The following PKM variants were observed in gnomAD, a reference collection of about 807,000 sequenced individuals.
PKM encodes the protein pyruvate kinase M1/2.
Under a neutral mutation model 49.8 loss-of-function variants are expected in PKM, and 18 were observed. The ratio of observed to expected loss-of-function variants is 0.36; its 90% CI spans 0.25 to 0.54. The LOEUF (loss-of-function observed/expected upper bound fraction) is 0.54. Among genes scored for constraint, PKM ranks in the 20% least tolerant of loss-of-function variants. The probability of loss-of-function intolerance (pLI) is 0.89; values close to 1 mark genes in which losing one functional copy is unlikely to be tolerated. For missense variants in PKM, 508 were observed against 713.8 expected, an observed-to-expected ratio of 0.71 and a Z score of 3.28; for synonymous variants, 239 against 261.8, an observed-to-expected ratio of 0.91 and a Z score of 0.84.
intron 1 of PKM, among the ~76,000 whole-genome samples, chr15:72,225,071 G>T (rs892389598): frequency 6.8e-5 from 10 of 147,242 alleles, no homozygotes; most frequent in African/African-American, 2.5e-4. Flanking sequence ...ACAGGCGCCC[G>T]CCACCAGGCC....
intron 7 of PKM, 75 bp from the exon 8 acceptor site, chr15:72,206,955 T>C: frequency 6.4e-7 from 1 of 1,562,370 alleles, no homozygotes; most frequent in Non-Finnish European, 8.8e-7. Context: ...GCTGATCCTC[T>C]GGATAGTGAG....
In PKM at chr15:72,217,503, A is replaced by G. The variant is rs765564763; in HGVS notation, c.155-3T>C. On this transcript the variant is annotated splice_region_variant and splice_polypyrimidine_tract_variant and intron_variant, in intron 2 of 10. Transcript: ENST00000335181. ...CTCCACTGATCGGGAAGCTGGGCCTATTAGGAAAAGTTTTAAAGCCACAAG... is the reference window on the plus strand; with the variant it reads ...CTCCACTGATCGGGAAGCTGGGCCTGTTAGGAAAAGTTTTAAAGCCACAAG... 6.3e-7 allele frequency: 1 copy of G among 1,588,014 alleles called. No homozygotes were observed. Among genetic ancestry groups the G allele is most frequent in the South Asian group, 1.1e-5 (1 of 90,554 alleles).
chr15:72,199,428 T>A lies in PKM; in HGVS notation c.*222A>T, dbSNP rs1447947344. ...CCAGCATTCCTCCTTCTTCCCTTGA[T>A]TGGGTGGGGCCACATGATGGGCAGC... On this transcript the variant is annotated 3_prime_UTR_variant, in exon 11 of 11. Coordinates refer to ENST00000335181, the MANE Select transcript of PKM (RefSeq NM_002654.6). 2.9e-6 allele frequency: 2 copies of A among 689,636 alleles called. No individual in the cohort carries two copies. The highest frequency in any genetic ancestry group is 3.5e-5 in the African/African-American group (2 of 56,884). 42.7% of individuals were successfully genotyped at this position (689,636 alleles called of 1,614,324 possible). A position where few individuals can be genotyped will look rare whatever the true frequency, so the allele number is the denominator to read the frequency against.
At chr15:72,209,557 G>T in intron 5 of PKM, 116 bp downstream of exon 5, 1 of 845,066 alleles carries the variant, frequency 1.2e-6, no homozygotes, top group Non-Finnish European at 2.1e-6. Flanking sequence ...GGATTCCTGA[G>T]AACACACAGA....
Position 72,200,318 on chromosome 15 carries a change from T to C in PKM, c.1489+156A>G, listed in dbSNP as rs989839370. ...GAGAATGAGAGATTCAGAATGAACATTCCCAATAAGGGAGAGGAACAGTCG... is the reference window on the plus strand; with the variant it reads ...GAGAATGAGAGATTCAGAATGAACACTCCCAATAAGGGAGAGGAACAGTCG... On this transcript the variant is annotated intron_variant, in intron 10 of 10. Coordinates refer to ENST00000335181, the MANE Select transcript of PKM (RefSeq NM_002654.6). This position sits in a 1 kb window ranked among gnomAD's most constrained non-coding sequence, Gnocchi z 4.6. Among the ~76,000 whole-genome samples the C allele has an allele frequency of 7.2e-5, 11 of 152,130 alleles. No individual in the cohort carries two copies. Among genetic ancestry groups the C allele is most frequent in the Non-Finnish European group, 2.9e-5 (2 of 68,012 alleles).
At chr15:72,218,507 A>C (rs1164042934) in intron 2 of PKM, among the ~76,000 whole-genome samples, 1 of 151,808 alleles carries the variant, frequency 6.6e-6, no homozygotes, top group Non-Finnish European at 1.5e-5. Context: ...CTGCAACTTC[A>C]ATCTCCTGGA....
Position 72,219,032 on chromosome 15 carries a change from C to T in PKM, c.66G>A (p.Met22Ile). ...ACATGTGCTCCAGGAATGTGTCAGC[C>T]ATGGCTGCGTGCAGCTGCTGGGTCT... ...FIQTQQLHAA[M>I]ADTFLEHMCR... The change falls in exon 2 of 11, where the codon ATG becomes ATA. Residue 22 changes from methionine to isoleucine, a missense_variant. Met to Ile is a conservative substitution (Grantham distance 10). Coordinates refer to ENST00000335181, the MANE Select transcript of PKM (RefSeq NM_002654.6). 6.2e-7 allele frequency: 1 copy of T among 1,614,178 alleles called. No individual in the cohort carries two copies. The highest frequency in any genetic ancestry group is 2.2e-5 in the East Asian group (1 of 44,878).
intron 4 of PKM, 70 bp from the exon 5 acceptor site, chr15:72,209,929 G>A: frequency 1.5e-6 from 2 of 1,309,910 alleles, no homozygotes; most frequent in South Asian, 2.4e-5. Context: ...AGAAGGAATG[G>A]AAAAGCTCTT....
chr15:72,222,112 C>T (rs1009982371), intron 1 of PKM, among the ~76,000 whole-genome samples: 2 of 152,230 alleles, frequency 1.3e-5, no homozygotes, highest in African/African-American at 4.8e-5. Flanking sequence ...TGGCCTCAAA[C>T]ACAAACCCTA....
chr15:72,202,388 T>C lies in PKM; in HGVS notation c.1307+66A>G. ...ACCTGAGCATTGTTCAATGGACTGCTCCCAGGACCCCCAAGGTGAGGTACC... is the reference window on the plus strand; with the variant it reads ...ACCTGAGCATTGTTCAATGGACTGCCCCCAGGACCCCCAAGGTGAGGTACC... On this transcript the variant is annotated intron_variant, in intron 9 of 10. Coordinates refer to ENST00000335181, the MANE Select transcript of PKM (RefSeq NM_002654.6). This position sits in a 1 kb window ranked among gnomAD's most constrained non-coding sequence, Gnocchi z 4.5. The C allele has an allele frequency of 6.7e-7, 1 of 1,503,524 alleles. No individual in the cohort carries two copies. The highest frequency in any genetic ancestry group is 9.1e-7 in the Non-Finnish European group (1 of 1,095,660). The allele number at this position is 1,503,524 out of a possible 1,614,324, so 93.1% of individuals were successfully genotyped here.
intron 6 of PKM, 125 bp from the exon 7 acceptor site, chr15:72,207,402 TATC>T (rs1223825219): frequency 5.8e-6 from 5 of 865,414 alleles, no homozygotes; most frequent in Non-Finnish European, 9.7e-6. Flanking sequence ...ACATCCATGA[TATC>T]ATCATGGGTG....
intron 6 of PKM, among the ~76,000 whole-genome samples, chr15:72,208,029 A>AGG (rs780986176): frequency 6.6e-6 from 1 of 152,168 alleles, no homozygotes; most frequent in Admixed American, 6.5e-5. Context: ...AGCATTGGGG[A>AGG]GGGGGTAAGC....
chr15:72,213,808 T>C (rs2082313327), intron 3 of PKM, among the ~76,000 whole-genome samples: 1 of 152,250 alleles, frequency 6.6e-6, no homozygotes, highest in South Asian at 2.1e-4. Flanking sequence ...TCTTTGAAAA[T>C]AGCCAGAGTC....
At chr15:72,205,624 G>GTT (rs140232218) in intron 8 of PKM, among the ~76,000 whole-genome samples, 159 of 99,704 alleles carry the variant, frequency 1.6e-3, no homozygotes, top group African/African-American at 5.2e-3. Context: ...GGGTGTTTTA[G>GTT]TTTTTTTTTT....
At chr15:72,210,112 A>G in intron 4 of PKM, 3 of 634,304 alleles carry the variant, frequency 4.7e-6, no homozygotes, top group Admixed American at 2.9e-5. Flanking sequence ...TAGAAAGCCT[A>G]AAGTTTAGGT....
intron 8 of PKM, chr15:72,206,526 G>A: frequency 1.7e-6 from 1 of 590,584 alleles, no homozygotes; most frequent in Non-Finnish European, 3.0e-6. Flanking sequence ...GGAGGGGTGG[G>A]GGTGTGGGCA....
intron 8 of PKM, chr15:72,203,702 C>T (rs2082002832): frequency 5.9e-6 from 1 of 170,230 alleles, no homozygotes; most frequent in South Asian, 1.5e-4. Context: ...GCCATGGCAA[C>T]AGATTGAGCA....
intron 1 of PKM, among the ~76,000 whole-genome samples, chr15:72,226,850 G>T (rs895239373): frequency 6.6e-6 from 1 of 152,210 alleles, no homozygotes. Context: ...GCCACCGAAG[G>T]TACTGCAGCC....
chr15:72,205,511 C>A (rs1186206091), intron 8 of PKM, among the ~76,000 whole-genome samples: 2 of 151,870 alleles, frequency 1.3e-5, no homozygotes, highest in Non-Finnish European at 2.9e-5. Flanking sequence ...CAGTTCGCTA[C>A]TGAAAGAGCA....
Sources: gnomAD v4.1 joint callset for allele counts (sites outside exome capture counted in the v4.1 genomes callset) on GRCh38, gnomAD v4.1.1 for gene constraint, Gnocchi (gnomAD v3.1) non-coding constraint, MANE v1.5 for transcripts, NCBI Gene and HGNC (gene_info 2026-07-23, HGNC 2026-07-21) for gene names.